The following PLCD4 variants were observed in gnomAD, a reference collection of about 807,000 sequenced individuals.
PLCD4 encodes the protein phospholipase C delta 4.
A neutral mutation model predicts 90.2 loss-of-function variants in PLCD4; 63 were observed. The observed-to-expected ratio is 0.70, with a 90% confidence interval of 0.57 to 0.86. The LOEUF is 0.86. PLCD4 is among the 40% of genes least tolerant of loss of function. The pLI, the probability that PLCD4 is intolerant of heterozygous loss-of-function variation, is 0.00. For missense variants in PLCD4, 830 were observed against 956.3 expected (o/e 0.87, Z 1.74); for synonymous variants, 294 against 356.5 (o/e 0.82, Z 1.97).
chr2:218,621,686 C>T (rs1293889353), intron 5 of PLCD4, 87 bp downstream of exon 5: 2 of 1,517,988 alleles, frequency 1.3e-6, no homozygotes, highest in Non-Finnish European at 1.8e-6. Context: ...CCACAACACT[C>T]AATTGTTAAA....
intron 1 of PLCD4, among the ~76,000 whole-genome samples, chr2:218,611,634 C>A (rs940697090): frequency 2.6e-5 from 4 of 152,050 alleles, no homozygotes; most frequent in Non-Finnish European, 5.9e-5. Context: ...AGTCTCACTC[C>A]GTCACCCAGG....
At chr2:218,618,850 T>C (rs1415855780) in intron 4 of PLCD4, 43 bp downstream of exon 4, 1 of 1,527,188 alleles carries the variant, frequency 6.5e-7, no homozygotes, top group East Asian at 2.4e-5. Flanking sequence ...GGGATCACGC[T>C]ATCCCTGAAG....
At chr2:218,614,429 G>A (rs1387588790) in intron 1 of PLCD4, among the ~76,000 whole-genome samples, 8 of 151,708 alleles carry the variant, frequency 5.3e-5, no homozygotes, top group Non-Finnish European at 1.2e-4. Flanking sequence ...GGGATTACAG[G>A]TGTGAGCCAC....
chr2:218,625,126 AAAAAAAG>A lies in PLCD4; in HGVS notation c.772+2252_772+2258del, dbSNP rs1348237993. ...CAAGACTCTGTTTCAAAAAAAAAAA[AAAAAAAG>A]AAAGAAAGAAAGAAAAAAGAAATAG... On this transcript the variant is annotated intron_variant, in intron 6 of 15. Coordinates refer to ENST00000450993, the MANE Select transcript of PLCD4 (RefSeq NM_032726.4). Among the ~76,000 whole-genome samples, 492 of 150,116 alleles carry A rather than the reference AAAAAAAG, an allele frequency of 3.3e-3. 15 individuals are homozygous for A. Among genetic ancestry groups the A allele is most frequent in the South Asian group, 6.8e-3 (32 of 4,706 alleles).
intron 7 of PLCD4, 156 bp from the exon 8 acceptor site, chr2:218,629,363 C>T (rs1696254393): frequency 1.2e-6 from 1 of 810,176 alleles, no homozygotes; most frequent in Non-Finnish European, 1.9e-6. Flanking sequence ...CAGCAGTGTC[C>T]CCATGGATGG....
intron 1 of PLCD4, among the ~76,000 whole-genome samples, chr2:218,614,537 C>A (rs1695494658): frequency 6.6e-6 from 1 of 151,984 alleles, no homozygotes; most frequent in African/African-American, 2.4e-5. Context: ...CCAACCTCTG[C>A]CACCCAGGTT....
rs776249194 is a variant in PLCD4 at position 218,629,530 on chromosome 2, G to A, written c.986G>A (p.Arg329Gln). 23 of 1,613,518 alleles carry A rather than the reference G, an allele frequency of 1.4e-5. No individual in the cohort carries two copies. Among genetic ancestry groups the A allele is most frequent in the East Asian group, 1.1e-4 (5 of 44,880 alleles). The change falls in exon 8 of 16, where the codon CGG becomes CAG. Residue 329 changes from arginine (R) to glutamine (Q), a missense_variant. Arg to Gln is a conservative substitution (Grantham distance 43). Coordinates refer to ENST00000450993, the MANE Select transcript of PLCD4 (RefSeq NM_032726.4). Reference sequence around the variant, plus strand: ...TGGGGTTCTTTCAGGGCCCTGAAGCGGGGGTGCCGCTGCGTGGAGGTGGAT... The same window carrying A: ...TGGGGTTCTTTCAGGGCCCTGAAGCAGGGGTGCCGCTGCGTGGAGGTGGAT... ...SVEGYIRALK[R>Q]GCRCVEVDVW...
intron 1 of PLCD4, 67 bp from the exon 2 acceptor site, chr2:218,615,640 G>A (rs902812076): frequency 7.2e-7 from 1 of 1,380,472 alleles, no homozygotes; most frequent in Non-Finnish European, 9.8e-7. Context: ...AAAATTAGAA[G>A]CAAAAATCAG....
At chr2:218,614,472 CAG>C (rs1281341170) in intron 1 of PLCD4, among the ~76,000 whole-genome samples, 2 of 145,390 alleles carry the variant, frequency 1.4e-5, no homozygotes, top group African/African-American at 5.1e-5. Context: ...TTTATTGAGA[CAG>C]AGTCTCGCTG....
intron 8 of PLCD4, 69 bp downstream of exon 8, chr2:218,629,732 C>A: frequency 6.4e-7 from 1 of 1,550,884 alleles, no homozygotes; most frequent in Non-Finnish European, 8.8e-7. Context: ...GGCTCTGGGT[C>A]TGGGGAGGGT....
chr2:218,625,732 G>A (rs142809469), intron 6 of PLCD4, among the ~76,000 whole-genome samples: 2,132 of 152,172 alleles, frequency 0.014, 37 homozygotes, highest in African/African-American at 0.049. Context: ...TCAGGAGTTC[G>A]AGACCAGCCT....
At chr2:218,625,708 C>T (rs77754536) in intron 6 of PLCD4, among the ~76,000 whole-genome samples, 1,891 of 152,264 alleles carry the variant, frequency 0.012, 39 homozygotes, top group African/African-American at 0.043. Context: ...CCAAGGCAGG[C>T]GGATCACTTA....
At chr2:218,616,726 T>TATACATACATACATACATAC (rs61259761) in intron 3 of PLCD4, among the ~76,000 whole-genome samples, 4,264 of 128,780 alleles carry the variant, frequency 0.033, 124 homozygotes, top group African/African-American at 0.053. Flanking sequence ...AAAATACATA[T>TATACATACATACATACATAC]ATACATACAT....
In PLCD4 at chr2:218,608,279, C is replaced by T. The variant is rs989848096; in HGVS notation, c.-34+209C>T. Among the ~76,000 whole-genome samples the T allele has an allele frequency of 2.6e-5, 4 of 152,122 alleles. 1 individual carries two copies. Among genetic ancestry groups the T allele is most frequent in the East Asian group, 3.8e-4 (2 of 5,200 alleles). Reference sequence around the variant, plus strand: ...CAGCTTTCCTCCTGGCTGTGTCAGTCGCCCTTTATATGAGGTACCTCTTAG... The same window carrying T: ...CAGCTTTCCTCCTGGCTGTGTCAGTTGCCCTTTATATGAGGTACCTCTTAG... On this transcript the variant is annotated intron_variant, in intron 1 of 15. Transcript: ENST00000450993.
intron 7 of PLCD4, 42 bp from the exon 8 acceptor site, chr2:218,629,477 A>ATTGACC (rs1696261138): frequency 3.1e-6 from 5 of 1,605,866 alleles, no homozygotes; most frequent in Non-Finnish European, 4.2e-6. Flanking sequence ...AAGATCAGAT[A>ATTGACC]TTGACCTCTC....
chr2:218,614,950 C>T (rs958587041), intron 1 of PLCD4, among the ~76,000 whole-genome samples: 4 of 151,646 alleles, frequency 2.6e-5, no homozygotes, highest in Middle Eastern at 3.2e-3. Context: ...AAAGTCTGGC[C>T]GGGTGCAGTG....
At chr2:218,612,600 C>T (rs13389890) in intron 1 of PLCD4, among the ~76,000 whole-genome samples, 2,469 of 151,938 alleles carry the variant, frequency 0.016, 74 homozygotes, top group African/African-American at 0.055. Context: ...GGCAAAACTC[C>T]GTCTCTACTC....
chr2:218,621,806 G>A (rs1490183361), intron 5 of PLCD4, among the ~76,000 whole-genome samples: 1 of 152,150 alleles, frequency 6.6e-6, no homozygotes, highest in East Asian at 1.9e-4. Context: ...TCGGCCGGGC[G>A]CAGTGGCTCA....
rs1169530256 is a variant in PLCD4 at position 218,630,732 on chromosome 2, A to C, written c.1202A>C (p.Glu401Ala). 2.5e-6 allele frequency: 4 copies of C among 1,613,898 alleles called. No homozygotes were observed. The highest frequency in any genetic ancestry group is 3.4e-6 in the Non-Finnish European group (4 of 1,179,908). The stretch of plus-strand genomic sequence containing the variant: ...CAGACCATGGCCCGTCATCTGACTG[A>C]GATCCTGGGGGAGCAGCTGCTGAGC... ...QQQTMARHLTEILGEQLLSTT... is the reference protein window; with the variant it reads ...QQQTMARHLTAILGEQLLSTT... The change falls in exon 9 of 16, where the codon GAG becomes GCG. Residue 401 changes from glutamate to alanine, a missense_variant. Physicochemically the swap from Glu to Ala is moderately radical, Grantham distance 107. Coordinates refer to ENST00000450993, the MANE Select transcript of PLCD4 (RefSeq NM_032726.4).
Sources: allele counts gnomAD v4.1 joint callset (sites outside exome capture counted in the v4.1 genomes callset), GRCh38; gene constraint gnomAD v4.1.1; transcripts MANE v1.5; gene names NCBI Gene and HGNC (gene_info 2026-07-23, HGNC 2026-07-21).